EYS: variants seen among roughly 807,000 people sequenced by gnomAD.
EYS encodes the protein EGF-like photoreceptor maintenance factor, also known as protein eyes shut homolog.
EYS carries 250 observed loss-of-function variants against 282.1 expected under a neutral mutation model. The observed-to-expected ratio is 0.89, with a 90% CI of 0.80 to 0.98. The LOEUF (loss-of-function observed/expected upper bound fraction) is 0.98, where lower values mean the gene tolerates loss of function less well. Ranked by LOEUF, EYS falls within the 50% of genes least tolerant of loss-of-function variation. The pLI is 0.00. For synonymous variants in EYS, 1,355 were observed against 1,282.9 expected, an observed-to-expected ratio of 1.06 and a Z score of -1.20; for missense variants, 4,016 against 3,709.0, an observed-to-expected ratio of 1.08 and a Z score of -2.15.
intron 26 of EYS, among the ~76,000 whole-genome samples, chr6:64,570,177 A>G (rs1393522702): frequency 6.6e-6 from 1 of 152,234 alleles, no homozygotes; most frequent in East Asian, 1.9e-4. Flanking sequence ...CCAGAATTTC[A>G]TATCCAGCCA....
chr6:64,659,485 T>G (rs34874461), intron 22 of EYS, among the ~76,000 whole-genome samples: 2 of 151,180 alleles, frequency 1.3e-5, no homozygotes, highest in African/African-American at 4.9e-5. Flanking sequence ...TGATAGACCT[T>G]TAGCAAGACT....
chr6:64,664,401 G>A (rs1769156165), intron 22 of EYS, among the ~76,000 whole-genome samples: 1 of 152,168 alleles, frequency 6.6e-6, no homozygotes, highest in Non-Finnish European at 1.5e-5. Flanking sequence ...TTTAAAGGTG[G>A]ATGCAGTCAC....
chr6:64,158,153 C>T (rs112042742), intron 31 of EYS, among the ~76,000 whole-genome samples: 1,880 of 152,272 alleles, frequency 0.012, 36 homozygotes, highest in African/African-American at 0.043. Flanking sequence ...TATTTCTGCA[C>T]AGTACCTATC....
At chr6:64,828,168 T>A (rs1220784348) in intron 19 of EYS, among the ~76,000 whole-genome samples, 3 of 151,828 alleles carry the variant, frequency 2.0e-5, no homozygotes, top group Non-Finnish European at 4.4e-5. Context: ...AAAGAACCAA[T>A]GAACTTGAAG....
At chr6:65,010,625 G>A (rs1561919505) in intron 13 of EYS, among the ~76,000 whole-genome samples, 1 of 152,218 alleles carries the variant, frequency 6.6e-6, no homozygotes, top group Non-Finnish European at 1.5e-5. Flanking sequence ...GAGGTATGCA[G>A]TGGTCAGTGA....
At chr6:64,312,444 T>C (rs980326541) in intron 29 of EYS, among the ~76,000 whole-genome samples, 4 of 152,158 alleles carry the variant, frequency 2.6e-5, no homozygotes, top group African/African-American at 9.6e-5. Context: ...AGGGTGGCTG[T>C]GGGGGCAGCT....
intron 29 of EYS, among the ~76,000 whole-genome samples, chr6:64,341,282 T>C (rs1771099457): frequency 6.6e-6 from 1 of 151,696 alleles, no homozygotes; most frequent in Non-Finnish European, 1.5e-5. Context: ...AGCAAAGACA[T>C]TAAATCAATA....
chr6:64,466,728 A>G (rs747988807), intron 26 of EYS, among the ~76,000 whole-genome samples: 1 of 152,122 alleles, frequency 6.6e-6, no homozygotes, highest in Non-Finnish European at 1.5e-5. Flanking sequence ...AAAATTGCAA[A>G]GAGTGTACAT....
chr6:65,173,948 G>C (rs1318144906), intron 12 of EYS, among the ~76,000 whole-genome samples: 3 of 151,140 alleles, frequency 2.0e-5, no homozygotes, highest in Non-Finnish European at 4.4e-5. Flanking sequence ...GTGTATGCTT[G>C]AGTAATCACA....
intron 12 of EYS, among the ~76,000 whole-genome samples, chr6:65,202,501 C>A (rs538477): frequency 0.011 from 1,647 of 152,188 alleles, 24 homozygotes; most frequent in African/African-American, 0.038. Context: ...AGAGGACAAA[C>A]CCTTTGGCCT....
intron 35 of EYS, among the ~76,000 whole-genome samples, chr6:63,876,209 C>T (rs150294716): frequency 0.011 from 1,637 of 152,268 alleles, 24 homozygotes; most frequent in African/African-American, 0.038. Context: ...ATCTTTATTT[C>T]TGCCTTCATT....
At chr6:65,124,212 A>T (rs998738) in intron 12 of EYS, among the ~76,000 whole-genome samples, 2,152 of 152,224 alleles carry the variant, frequency 0.014, 44 homozygotes, top group African/African-American at 0.049. Context: ...TGTAAAAAAA[A>T]ACATTGAAAG....
chr6:63,741,547 A>G (rs1021793199), intron 41 of EYS, among the ~76,000 whole-genome samples: 2 of 152,224 alleles, frequency 1.3e-5, no homozygotes, highest in African/African-American at 4.8e-5. Flanking sequence ...TCAAAGATCA[A>G]GAAAAAGATT....
At chr6:63,928,781 T>C (rs180914267) in intron 35 of EYS, among the ~76,000 whole-genome samples, 1 of 152,178 alleles carries the variant, frequency 6.6e-6, no homozygotes, top group Admixed American at 6.5e-5. Context: ...CTCAGCTTAA[T>C]GATACCCTAC....
chr6:64,335,221 A>T (rs1489783749), intron 29 of EYS, among the ~76,000 whole-genome samples: 3 of 151,990 alleles, frequency 2.0e-5, no homozygotes, highest in Non-Finnish European at 4.4e-5. Context: ...AAATCCTCAT[A>T]AAGTTGCTGC....
chr6:63,880,112 G>A (rs534470347), intron 35 of EYS, among the ~76,000 whole-genome samples: 2 of 152,244 alleles, frequency 1.3e-5, no homozygotes, highest in African/African-American at 2.4e-5. Context: ...CAACTTGATT[G>A]GATTGAAGGA....
Position 63,762,507 on chromosome 6 carries a change from G to A in EYS, c.8025C>T (p.Tyr2675=). The change falls in exon 41 of 43, where the codon TAC becomes TAT. Residue 2675 remains tyrosine, a synonymous_variant. Coordinates refer to ENST00000503581, the MANE Select transcript of EYS (RefSeq NM_001142800.2). ...TGGTTCCTAGAGGACAGAAACAGGT[G>A]TATCCATGAGGTAATGAAATGCAGG... The part of the protein sequence containing the change: ...GATCISLPHG[Y]TCFCPLGTTG... The A allele has an allele frequency of 1.3e-6, 2 of 1,550,312 alleles. No homozygotes were observed. Among genetic ancestry groups the A allele is most frequent in the Non-Finnish European group, 1.7e-6 (2 of 1,146,032 alleles).
chr6:64,091,340 T>C (rs1004881213), intron 31 of EYS, among the ~76,000 whole-genome samples: 1 of 152,192 alleles, frequency 6.6e-6, no homozygotes, highest in African/African-American at 2.4e-5. Context: ...GTCCTTATTT[T>C]ATCTCTGTTG....
At chr6:65,131,016 T>C (rs918248744) in intron 12 of EYS, among the ~76,000 whole-genome samples, 4 of 151,622 alleles carry the variant, frequency 2.6e-5, no homozygotes, top group African/African-American at 9.6e-5. Flanking sequence ...CTTAAGTTTT[T>C]ATAAATTATA....
Sources: gnomAD v4.1 joint callset for allele counts (sites outside exome capture counted in the v4.1 genomes callset) on GRCh38, gnomAD v4.1.1 for gene constraint, MANE v1.5 for transcripts, NCBI Gene and HGNC (gene_info 2026-07-23, HGNC 2026-07-21) for gene names.